The following PDZRN4 variants were observed in gnomAD, a reference collection of about 807,000 sequenced individuals.
The protein encoded by PDZRN4 is PDZ domain containing ring finger 4.
PDZRN4 carries 70 observed loss-of-function variants against 99.0 expected under a neutral mutation model. That is an observed-to-expected ratio of 0.71 (90% confidence interval 0.58 to 0.86). The LOEUF (loss-of-function observed/expected upper bound fraction) is 0.86, where lower values mean the gene tolerates loss of function less well. Among genes scored for constraint, PDZRN4 ranks in the 40% least tolerant of loss-of-function variants. The probability of loss-of-function intolerance (pLI) is 0.00; values close to 1 mark genes in which losing one functional copy is unlikely to be tolerated. For synonymous variants in PDZRN4, 551 were observed against 501.6 expected (o/e 1.10, Z -1.32); for missense variants, 1,474 against 1,331.2 (o/e 1.11, Z -1.67).
chr12:41,299,499 A>G (rs958424324), intron 3 of PDZRN4, among the ~76,000 whole-genome samples: 2 of 152,042 alleles, frequency 1.3e-5, no homozygotes, highest in Non-Finnish European at 2.9e-5. Context: ...CTTGCCCAGA[A>G]TTCATTTATT....
intron 4 of PDZRN4, among the ~76,000 whole-genome samples, chr12:41,509,118 A>G (rs146636724): frequency 6.6e-6 from 1 of 152,236 alleles, no homozygotes; most frequent in East Asian, 1.9e-4. Context: ...ATATCCTCTC[A>G]TTTCCTTAAT....
chr12:41,514,608 G>A (rs78595190), intron 5 of PDZRN4, among the ~76,000 whole-genome samples: 3,485 of 152,110 alleles, frequency 0.023, 268 homozygotes, highest in Admixed American at 0.14. Flanking sequence ...GTATCACATG[G>A]TCTGTTTCAC....
chr12:41,266,243 G>A lies in PDZRN4; in HGVS notation c.843+72055G>A, dbSNP rs1272726251. Among the ~76,000 whole-genome samples, 2 of 67,382 alleles carry A rather than the reference G, an allele frequency of 3.0e-5. 1 individual carries two copies. The allele number at this position is 67,382 out of a possible 152,430, so 44.2% of individuals were successfully genotyped here. ...GGAGAATGGCGTGAACCCGGGAGGC[G>A]GAGCTTGCAGTGAGCCGAGATCCCG... On this transcript the variant is annotated intron_variant, in intron 3 of 9. Coordinates refer to ENST00000402685, the MANE Select transcript of PDZRN4 (RefSeq NM_001164595.2).
intron 3 of PDZRN4, among the ~76,000 whole-genome samples, chr12:41,285,067 G>C (rs1818957325): frequency 6.6e-6 from 1 of 152,072 alleles, no homozygotes; most frequent in African/African-American, 2.4e-5. Context: ...AGAGTGAACA[G>C]GCAACCTACA....
chr12:41,478,010 T>A, intron 3 of PDZRN4: 1 of 818,424 alleles, frequency 1.2e-6, no homozygotes, highest in Non-Finnish European at 2.0e-6. Flanking sequence ...AGAGGACAAA[T>A]GTGGCTGCTT....
At chr12:41,372,487 A>G (rs1160238854) in intron 3 of PDZRN4, among the ~76,000 whole-genome samples, 1 of 152,184 alleles carries the variant, frequency 6.6e-6, no homozygotes, top group Non-Finnish European at 1.5e-5. Context: ...TTGTTATTAA[A>G]GGAATTTAAG....
In PDZRN4 at chr12:41,557,854, G is replaced by A. The variant is rs143086386; in HGVS notation, c.1365+2094G>A. On this transcript the variant is annotated intron_variant, in intron 7 of 9. Transcript: ENST00000402685. ...TCTATAGTAAACAAAATGGAACTAC[G>A]TCTATCATACACAGGGGAATGAAAA... Among the ~76,000 whole-genome samples the A allele has an allele frequency of 1.3e-3, 191 of 152,238 alleles. 2 individuals carry two copies. In the East Asian group the frequency reaches 0.023, roughly 18 times the overall value.
At chr12:41,203,914 A>G (rs1950832410) in intron 3 of PDZRN4, among the ~76,000 whole-genome samples, 2 of 152,054 alleles carry the variant, frequency 1.3e-5, no homozygotes, top group Admixed American at 1.3e-4. Context: ...CAAGCAAAGC[A>G]ATGACTGAAA....
intron 3 of PDZRN4, among the ~76,000 whole-genome samples, chr12:41,221,785 G>A (rs1950957689): frequency 1.3e-5 from 2 of 152,092 alleles, no homozygotes; most frequent in Non-Finnish European, 2.9e-5. Flanking sequence ...AGAAAGTTAA[G>A]TGGTGAGAAG....
At chr12:41,336,198 G>A (rs2177975) in intron 3 of PDZRN4, among the ~76,000 whole-genome samples, 58,341 of 151,794 alleles carry the variant, frequency 0.38, 11,284 homozygotes, top group African/African-American at 0.41. Context: ...ATCAATGAAC[G>A]GCTGATTCAT....
At chr12:41,339,762 A>G (rs1951802865) in intron 3 of PDZRN4, among the ~76,000 whole-genome samples, 1 of 152,092 alleles carries the variant, frequency 6.6e-6, no homozygotes, top group South Asian at 2.1e-4. Flanking sequence ...AATGGGCAAA[A>G]GGGCTGAATA....
intron 3 of PDZRN4, among the ~76,000 whole-genome samples, chr12:41,390,719 G>A (rs537171744): frequency 6.6e-6 from 1 of 152,034 alleles, no homozygotes; most frequent in Non-Finnish European, 1.5e-5. Flanking sequence ...TAAGAATAAT[G>A]TAACAGTGGT....
chr12:41,539,281 G>C (rs1334837549), intron 5 of PDZRN4, among the ~76,000 whole-genome samples: 1 of 151,858 alleles, frequency 6.6e-6, no homozygotes, highest in Non-Finnish European at 1.5e-5. Context: ...TTGGGAAAAA[G>C]AGGTTTAAAA....
intron 5 of PDZRN4, among the ~76,000 whole-genome samples, chr12:41,530,848 T>C (rs1438804937): frequency 6.6e-6 from 1 of 152,086 alleles, no homozygotes; most frequent in African/African-American, 2.4e-5. Context: ...GAGGATCCTT[T>C]TGAAATGGGA....
At chr12:41,375,585 A>G (rs931892320) in intron 3 of PDZRN4, among the ~76,000 whole-genome samples, 1 of 152,180 alleles carries the variant, frequency 6.6e-6, no homozygotes, top group Non-Finnish European at 1.5e-5. Flanking sequence ...CATTCTTTTT[A>G]AATATTCTGT....
chr12:41,189,547 G>C (rs2120625088), intron 1 of PDZRN4, among the ~76,000 whole-genome samples: 1 of 152,218 alleles, frequency 6.6e-6, no homozygotes, highest in African/African-American at 2.4e-5. Flanking sequence ...GCATCCCCGC[G>C]GCCCTGGCAG....
intron 3 of PDZRN4, among the ~76,000 whole-genome samples, chr12:41,323,326 T>C (rs185681917): frequency 1.3e-5 from 2 of 152,288 alleles, no homozygotes; most frequent in Non-Finnish European, 2.9e-5. Flanking sequence ...AAAATATAAA[T>C]AATTTACCTT....
intron 3 of PDZRN4, among the ~76,000 whole-genome samples, chr12:41,231,211 T>C (rs1951027470): frequency 6.6e-6 from 1 of 152,120 alleles, no homozygotes; most frequent in South Asian, 2.1e-4. Context: ...GATAAGCCCT[T>C]GAGCAGTAAG....
intron 3 of PDZRN4, among the ~76,000 whole-genome samples, chr12:41,300,666 C>G (rs1418725366): frequency 6.6e-6 from 1 of 151,952 alleles, no homozygotes; most frequent in Non-Finnish European, 1.5e-5. Flanking sequence ...CTCAAGTGTT[C>G]TCCCTATTAT....
Sources: gnomAD v4.1 joint callset for allele counts (sites outside exome capture counted in the v4.1 genomes callset) on GRCh38, gnomAD v4.1.1 for gene constraint, MANE v1.5 for transcripts, NCBI Gene and HGNC (gene_info 2026-07-23, HGNC 2026-07-21) for gene names.